Variants in PSMB2 observed in about 807,000 individuals in gnomAD.
PSMB2 encodes proteasome 20S subunit beta 2, also known as proteasome subunit beta type-2.
A neutral mutation model predicts 25.7 loss-of-function variants in PSMB2; 13 were observed. That is an observed-to-expected ratio of 0.51 (90% CI 0.33 to 0.80). PSMB2 has a LOEUF of 0.80. Among genes scored for constraint, PSMB2 ranks in the 30% least tolerant of loss-of-function variants. PSMB2 has a pLI of 0.02. For missense variants in PSMB2, 202 were observed against 259.0 expected (o/e 0.78, Z 1.51); for synonymous variants, 87 against 96.2 (o/e 0.90, Z 0.56).
intron 3 of PSMB2, among the ~76,000 whole-genome samples, chr1:35,614,185 T>C (rs566209880): frequency 6.6e-6 from 1 of 152,306 alleles, no homozygotes; most frequent in African/African-American, 2.4e-5. Context: ...ATCTACTTCA[T>C]GGTCAACCCT....
At chr1:35,641,026 T>C (rs1651379815) in intron 1 of PSMB2, among the ~76,000 whole-genome samples, 1 of 151,398 alleles carries the variant, frequency 6.6e-6, no homozygotes, top group South Asian at 2.1e-4. Flanking sequence ...TCCACATCTC[T>C]ACTAATAATA....
At chr1:35,631,439 C>A in intron 2 of PSMB2, 95 bp from the exon 3 acceptor site, 2 of 1,568,418 alleles carry the variant, frequency 1.3e-6, no homozygotes, top group East Asian at 2.3e-5. Flanking sequence ...AGCCCACCAT[C>A]TTTTGTACAC....
chr1:35,628,613 ATATATATATATATATATATT>A (rs1234762188), intron 3 of PSMB2, among the ~76,000 whole-genome samples: 18 of 47,182 alleles, frequency 3.8e-4, no homozygotes, highest in African/African-American at 1.3e-3. Context: ...ATATATATAT[ATATATATATATATATATATT>A]TTTTTTTTTT....
intron 4 of PSMB2, among the ~76,000 whole-genome samples, chr1:35,607,632 A>C (rs911057088): frequency 6.6e-6 from 1 of 152,186 alleles, no homozygotes; most frequent in Admixed American, 6.5e-5. Context: ...CCCTCAAAAA[A>C]CTACAAATAG....
intron 3 of PSMB2, among the ~76,000 whole-genome samples, chr1:35,628,648 T>TTTTTTTTTTTTAAA (rs1553125213): frequency 2.9e-5 from 1 of 34,716 alleles, no homozygotes; most frequent in Non-Finnish European, 8.6e-5. Flanking sequence ...TTTTTTTTTT[T>TTTTTTTTTTTTAAA]AAAGAAAAGA....
intron 2 of PSMB2, among the ~76,000 whole-genome samples, chr1:35,635,828 C>CAAAA (rs1163061850): frequency 8.8e-4 from 30 of 34,224 alleles, no homozygotes; most frequent in African/African-American, 2.2e-3. Flanking sequence ...GACTCCGTCT[C>CAAAA]AAAAAAAAAA....
At chr1:35,614,501 T>C (rs540643363) in intron 3 of PSMB2, among the ~76,000 whole-genome samples, 13 of 152,342 alleles carry the variant, frequency 8.5e-5, no homozygotes, top group Admixed American at 7.8e-4. Context: ...ATTGTTTAGA[T>C]AGTAAGTCTA....
chr1:35,616,584 AC>A (rs1650495935), intron 3 of PSMB2, among the ~76,000 whole-genome samples: 1 of 152,182 alleles, frequency 6.6e-6, no homozygotes, highest in Admixed American at 6.5e-5. Context: ...AAGTTTTAAA[AC>A]AGCAAGTTTA....
At position 35,601,657 on chromosome 1, in the gene PSMB2, G is replaced by A; in HGVS notation, c.*1610C>T. The A allele has an allele frequency of 2.0e-6, 2 of 985,222 alleles. No individual in the cohort carries two copies. The highest frequency in any genetic ancestry group is 4.7e-5 in the South Asian group (1 of 21,282). 61.0% of individuals were successfully genotyped at this position (985,222 alleles called of 1,614,324 possible). A position where few individuals can be genotyped will look rare whatever the true frequency, so the allele number is the denominator to read the frequency against. On this transcript the variant is annotated 3_prime_UTR_variant, in exon 6 of 6. Transcript: ENST00000373237. ...ATCTTAGATGATACATTTAATCACA[G>A]ACAAAACAAAAACCTATCTGTATAT... is the stretch of plus-strand genomic sequence containing the variant.
chr1:35,631,920 G>A (rs1439151369), intron 2 of PSMB2, among the ~76,000 whole-genome samples: 2 of 152,004 alleles, frequency 1.3e-5, no homozygotes, highest in Non-Finnish European at 2.9e-5. Flanking sequence ...AGCTACTTAG[G>A]AGGCTGAGTG....
intron 2 of PSMB2, among the ~76,000 whole-genome samples, chr1:35,635,259 CA>C (rs1285421213): frequency 0.042 from 5,783 of 136,356 alleles, 272 homozygotes; most frequent in African/African-American, 0.12. Context: ...AACTCCATCT[CA>C]AAAAAAAAAA....
intron 2 of PSMB2, among the ~76,000 whole-genome samples, chr1:35,635,231 C>T (rs1164985714): frequency 1.3e-5 from 2 of 151,518 alleles, no homozygotes; most frequent in East Asian, 2.0e-4. Context: ...TGCACTCCAG[C>T]CTGGACAACA....
chr1:35,603,555 GC>G (rs1473041283), intron 5 of PSMB2, among the ~76,000 whole-genome samples, 181 bp from the exon 6 acceptor site: 1 of 152,158 alleles, frequency 6.6e-6, no homozygotes, highest in Non-Finnish European at 1.5e-5. Flanking sequence ...TACCCAAACA[GC>G]AGCTGGAGGA....
intron 3 of PSMB2, among the ~76,000 whole-genome samples, chr1:35,628,152 G>T (rs1282207741): frequency 6.6e-6 from 1 of 152,102 alleles, no homozygotes. Context: ...TTTTGATAAG[G>T]AGATGGGGGA....
intron 3 of PSMB2, among the ~76,000 whole-genome samples, chr1:35,630,913 A>G (rs958163895): frequency 1.3e-5 from 2 of 152,218 alleles, no homozygotes; most frequent in Non-Finnish European, 2.9e-5. Context: ...ATAATGGGGA[A>G]TGCTATACAT....
At chr1:35,618,701 G>C (rs940035670) in intron 3 of PSMB2, among the ~76,000 whole-genome samples, 1 of 152,138 alleles carries the variant, frequency 6.6e-6, no homozygotes, top group Non-Finnish European at 1.5e-5. Flanking sequence ...GCCGGTTAGG[G>C]TCCTGTTATC....
chr1:35,637,327 C>T (rs1041293854), intron 1 of PSMB2, among the ~76,000 whole-genome samples: 2 of 152,100 alleles, frequency 1.3e-5, no homozygotes, highest in African/African-American at 4.8e-5. Flanking sequence ...AAAATGATTG[C>T]CAAAGCAAAA....
chr1:35,618,661 C>A (rs1040196817), intron 3 of PSMB2, among the ~76,000 whole-genome samples: 1 of 152,064 alleles, frequency 6.6e-6, no homozygotes, highest in Admixed American at 6.6e-5. Flanking sequence ...GCTGGAATGA[C>A]AAAAGCAGAG....
intron 3 of PSMB2, among the ~76,000 whole-genome samples, chr1:35,615,371 G>A (rs370811033): frequency 2.6e-5 from 4 of 151,948 alleles, no homozygotes; most frequent in Non-Finnish European, 2.9e-5. Flanking sequence ...TGGGGGTGGC[G>A]AGTGTGCACT....
Sources: gnomAD v4.1 joint callset for allele counts (sites outside exome capture counted in the v4.1 genomes callset) on GRCh38, gnomAD v4.1.1 for gene constraint, MANE v1.5 for transcripts, NCBI Gene and HGNC (gene_info 2026-07-23, HGNC 2026-07-21) for gene names.